Variants in ZBTB20 observed in about 807,000 individuals in gnomAD.
ZBTB20 encodes the protein zinc finger and BTB domain containing 20.
A neutral mutation model predicts 56.9 loss-of-function variants in ZBTB20; 9 were observed. The ratio of observed to expected loss-of-function variants is 0.16; its 90% CI spans 0.10 to 0.28. The LOEUF is 0.28. ZBTB20 is among the 10% of genes least tolerant of loss of function. The pLI, the probability that ZBTB20 is intolerant of heterozygous loss-of-function variation, is 1.00. For missense variants in ZBTB20, 655 were observed against 1,003.0 expected, an observed-to-expected ratio of 0.65 and a Z score of 4.69; for synonymous variants, 417 against 420.7, an observed-to-expected ratio of 0.99 and a Z score of 0.11.
intron 1 of ZBTB20, chr3:115,100,036 G>T (rs2083523409): frequency 6.6e-6 from 1 of 152,014 alleles, no homozygotes; most frequent in Non-Finnish European, 1.5e-5. Context: ...TTTTAAGCTA[G>T]CACTAGCTCT....
At chr3:114,427,295 T>C (rs553267608) in intron 7 of ZBTB20, among the ~76,000 whole-genome samples, 4 of 152,328 alleles carry the variant, frequency 2.6e-5, no homozygotes, top group South Asian at 2.1e-4. Flanking sequence ...CACCAAGAAG[T>C]AGACACTAGC....
At chr3:115,146,357 A>C (rs953195185) in intron 1 of ZBTB20, among the ~76,000 whole-genome samples, 1 of 138,166 alleles carries the variant, frequency 7.2e-6, no homozygotes, top group Non-Finnish European at 1.6e-5. Context: ...GCATCCTTAA[A>C]AAGGATAACA....
At chr3:114,558,874 G>A (rs1347220407) in intron 6 of ZBTB20, among the ~76,000 whole-genome samples, 1 of 152,096 alleles carries the variant, frequency 6.6e-6, no homozygotes, top group Non-Finnish European at 1.5e-5. Context: ...GCTCACTTGA[G>A]CCTCAAGGCC....
intron 2 of ZBTB20, among the ~76,000 whole-genome samples, chr3:115,032,736 A>T (rs1407487658): frequency 2.0e-5 from 3 of 151,406 alleles, no homozygotes; most frequent in African/African-American, 7.3e-5. Flanking sequence ...TCAGTAACAA[A>T]ATGAAAACAG....
intron 2 of ZBTB20, among the ~76,000 whole-genome samples, chr3:115,030,624 A>G (rs1002822184): frequency 3.3e-5 from 5 of 151,176 alleles, no homozygotes; most frequent in African/African-American, 9.7e-5. Context: ...ATCAAACTGT[A>G]TAAGAAGTCT....
chr3:114,372,118 A>G (rs2083087825), intron 10 of ZBTB20, among the ~76,000 whole-genome samples: 1 of 152,202 alleles, frequency 6.6e-6, no homozygotes, highest in Non-Finnish European at 1.5e-5. Context: ...GGCCTCTTTT[A>G]TTTTAAGTAA....
intron 3 of ZBTB20, among the ~76,000 whole-genome samples, chr3:114,933,156 C>G (rs995964763): frequency 6.6e-6 from 1 of 152,062 alleles, no homozygotes; most frequent in Non-Finnish European, 1.5e-5. Context: ...CATGAGTGAC[C>G]CAAGCTATTA....
chr3:114,439,618 C>A (rs930354977), intron 7 of ZBTB20, among the ~76,000 whole-genome samples: 1 of 152,062 alleles, frequency 6.6e-6, no homozygotes, highest in Non-Finnish European at 1.5e-5. Flanking sequence ...TAACAGCAGT[C>A]CAAAGTGAAA....
At chr3:114,958,318 G>T (rs549997838) in intron 3 of ZBTB20, among the ~76,000 whole-genome samples, 2 of 152,152 alleles carry the variant, frequency 1.3e-5, no homozygotes, top group Admixed American at 1.3e-4. Flanking sequence ...AACTTACTTT[G>T]TGTGACAGTA....
At chr3:114,727,240 T>G (rs1469510102) in intron 5 of ZBTB20, among the ~76,000 whole-genome samples, 2 of 152,124 alleles carry the variant, frequency 1.3e-5, no homozygotes, top group Non-Finnish European at 2.9e-5. Context: ...TTAATCACTA[T>G]TAAGGATATT....
At chr3:114,547,134 G>C (rs1207481682) in intron 6 of ZBTB20, among the ~76,000 whole-genome samples, 1 of 152,196 alleles carries the variant, frequency 6.6e-6, no homozygotes, top group Non-Finnish European at 1.5e-5. Context: ...GGAAAGAAAA[G>C]GAGGCCAAGA....
intron 7 of ZBTB20, among the ~76,000 whole-genome samples, chr3:114,420,734 T>C (rs2089080621): frequency 6.6e-6 from 1 of 152,158 alleles, no homozygotes; most frequent in Admixed American, 6.5e-5. Context: ...ATGCCTTCTA[T>C]TCCATCTCAT....
At chr3:114,541,800 C>A (rs1296009381) in intron 6 of ZBTB20, among the ~76,000 whole-genome samples, 1 of 152,100 alleles carries the variant, frequency 6.6e-6, no homozygotes. Flanking sequence ...CCTGTTAATA[C>A]TATTAATAGG....
intron 7 of ZBTB20, among the ~76,000 whole-genome samples, chr3:114,422,660 T>C (rs535400196): frequency 2.0e-5 from 3 of 152,330 alleles, no homozygotes; most frequent in Non-Finnish European, 2.9e-5. Flanking sequence ...CACTTGGTCC[T>C]GAAAATTACA....
chr3:114,586,208 G>C (rs948816038), intron 6 of ZBTB20, among the ~76,000 whole-genome samples: 1 of 152,206 alleles, frequency 6.6e-6, no homozygotes, highest in Admixed American at 6.5e-5. Flanking sequence ...CCTGTGGTCA[G>C]TGTCACACAA....
chr3:115,107,201 A>C (rs746304602), intron 1 of ZBTB20, among the ~76,000 whole-genome samples: 2 of 152,134 alleles, frequency 1.3e-5, no homozygotes, highest in Non-Finnish European at 2.9e-5. Context: ...CCAAGGTAGG[A>C]GGGTCACTTG....
In ZBTB20 at chr3:114,651,004, G is replaced by A. The variant is rs146361770; in HGVS notation, c.-295+42524C>T. On this transcript the variant is annotated intron_variant, in intron 6 of 11. Coordinates refer to ENST00000675478, the MANE Select transcript of ZBTB20 (RefSeq NM_001348800.3). The stretch of plus-strand genomic sequence containing the variant: ...AAATGAATGAGAGATGAGTCAGCTC[G>A]TTTGATGGAAAGGGTTTAAAAAATA... Among the ~76,000 whole-genome samples, 662 of 152,086 alleles carry A rather than the reference G, an allele frequency of 4.4e-3. 4 individuals carry two copies. Among genetic ancestry groups the A allele is most frequent in the African/African-American group, 0.014 (578 of 41,536 alleles).
In ZBTB20 at chr3:114,457,575, T is replaced by C. The variant is rs183636981; in HGVS notation, c.-255+42777A>G. 1.4e-3 allele frequency among the ~76,000 whole-genome samples: 214 copies of C among 152,286 alleles called. 1 individual carries two copies. Among genetic ancestry groups the C allele is most frequent in the Middle Eastern group, 3.4e-3 (1 of 294 alleles). ...GTTAGGTCATCTGGGGTTGTATTAT[T>C]TCTTTGTTCCCAGATTTTACTATAT... On this transcript the variant is annotated intron_variant, in intron 7 of 11. Transcript: ENST00000675478.
intron 7 of ZBTB20, among the ~76,000 whole-genome samples, chr3:114,457,393 T>G (rs1266702333): frequency 6.6e-6 from 1 of 152,152 alleles, no homozygotes; most frequent in Admixed American, 6.6e-5. Context: ...GTGTATATTA[T>G]GGATGTGCTG....
Sources: allele counts gnomAD v4.1 joint callset (sites outside exome capture counted in the v4.1 genomes callset), GRCh38; gene constraint gnomAD v4.1.1; transcripts MANE v1.5; gene names NCBI Gene and HGNC (gene_info 2026-07-23, HGNC 2026-07-21).